TMEM132D: variants seen among roughly 807,000 people sequenced by gnomAD.
TMEM132D encodes mature OL transmembrane protein.
TMEM132D carries 21 observed loss-of-function variants against 62.3 expected under a neutral mutation model. That is an observed-to-expected ratio of 0.34 (90% CI 0.24 to 0.49). The LOEUF is 0.49. Among genes scored for constraint, TMEM132D ranks in the 20% least tolerant of loss-of-function variants. TMEM132D has a pLI of 0.99. For missense variants in TMEM132D, 1,346 were observed against 1,402.8 expected (o/e 0.96, Z 0.65); for synonymous variants, 621 against 575.6 (o/e 1.08, Z -1.13).
intron 1 of TMEM132D, among the ~76,000 whole-genome samples, chr12:129,729,689 C>G (rs1869157912): frequency 6.6e-6 from 1 of 152,164 alleles, no homozygotes; most frequent in African/African-American, 2.4e-5. Flanking sequence ...TTTCTTTGAT[C>G]ATGAGTAGAG....
chr12:129,805,380 TAAC>T (rs1246909028), intron 1 of TMEM132D, among the ~76,000 whole-genome samples: 1 of 151,902 alleles, frequency 6.6e-6, no homozygotes, highest in East Asian at 1.9e-4. Context: ...CCCTCAGAAA[TAAC>T]GCCGCATATC....
chr12:129,724,678 G>A (rs1366264005), intron 1 of TMEM132D, among the ~76,000 whole-genome samples: 3 of 151,954 alleles, frequency 2.0e-5, no homozygotes, highest in East Asian at 1.9e-4. Flanking sequence ...ACCCATCACC[G>A]TGCCTGGCTA....
intron 3 of TMEM132D, among the ~76,000 whole-genome samples, chr12:129,454,610 T>G (rs1366676237): frequency 6.6e-6 from 1 of 152,228 alleles, no homozygotes; most frequent in Non-Finnish European, 1.5e-5. Context: ...CTTGAGTTCA[T>G]GTGTAAGTCA....
chr12:129,898,691 C>G (rs1875231354), intron 1 of TMEM132D, among the ~76,000 whole-genome samples: 1 of 152,224 alleles, frequency 6.6e-6, no homozygotes, highest in Non-Finnish European at 1.5e-5. Flanking sequence ...ACAGTGCTAA[C>G]TTTATGTTTT....
chr12:129,098,826 C>T lies in TMEM132D; in HGVS notation c.1444-14124G>A, dbSNP rs566263356. 3.9e-5 allele frequency among the ~76,000 whole-genome samples: 6 copies of T among 152,268 alleles called. No individual in the cohort carries two copies. In the East Asian group the frequency reaches 1.2e-3, roughly 29 times the overall value. On this transcript the variant is annotated intron_variant, in intron 5 of 8. Transcript: ENST00000422113. ...AAACCAACATCTCAAAATATGTTCC[C>T]TTGACATGCTGAACTGAATAAGCAG...
chr12:129,793,493 A>G (rs745521991), intron 1 of TMEM132D, among the ~76,000 whole-genome samples: 36 of 151,806 alleles, frequency 2.4e-4, no homozygotes, highest in Non-Finnish European at 4.1e-4. Flanking sequence ...CACCACCTCA[A>G]CCTCACAAGT....
intron 5 of TMEM132D, among the ~76,000 whole-genome samples, chr12:129,203,241 T>C (rs1315869798): frequency 6.6e-6 from 1 of 152,228 alleles, no homozygotes. Context: ...ACTTTCCTTT[T>C]TCTGTCTATA....
chr12:129,729,536 T>C (rs1191773779), intron 1 of TMEM132D, among the ~76,000 whole-genome samples: 1 of 152,074 alleles, frequency 6.6e-6, no homozygotes, highest in Non-Finnish European at 1.5e-5. Context: ...AATACCTTTT[T>C]TTCTTTCTTG....
intron 1 of TMEM132D, among the ~76,000 whole-genome samples, chr12:129,716,753 G>A (rs1868590342): frequency 2.0e-5 from 3 of 152,196 alleles, no homozygotes; most frequent in Non-Finnish European, 2.9e-5. Context: ...AAGAGTGGAA[G>A]AGGGAGGTAG....
intron 5 of TMEM132D, among the ~76,000 whole-genome samples, chr12:129,127,441 C>A (rs1876247511): frequency 6.6e-6 from 1 of 152,116 alleles, no homozygotes; most frequent in Non-Finnish European, 1.5e-5. Flanking sequence ...CCCCTCGCTT[C>A]CGGCAGGTCC....
At chr12:129,232,599 C>T (rs1269802740) in intron 4 of TMEM132D, among the ~76,000 whole-genome samples, 1 of 152,116 alleles carries the variant, frequency 6.6e-6, no homozygotes, top group Non-Finnish European at 1.5e-5. Context: ...GCTTCTGTGA[C>T]CACCGAACGA....
intron 2 of TMEM132D, among the ~76,000 whole-genome samples, chr12:129,628,661 T>C (rs898848043): frequency 2.0e-5 from 3 of 151,972 alleles, no homozygotes; most frequent in East Asian, 1.9e-4. Context: ...AGGAGAGAAA[T>C]GAACAAATAA....
chr12:129,360,608 G>C (rs1052523149), intron 3 of TMEM132D, among the ~76,000 whole-genome samples: 43 of 152,108 alleles, frequency 2.8e-4, no homozygotes, highest in Non-Finnish European at 3.5e-4. Flanking sequence ...TCACCCAGCT[G>C]GGGGCTCTGG....
At chr12:129,562,635 C>T (rs1287529836) in intron 2 of TMEM132D, among the ~76,000 whole-genome samples, 3 of 152,156 alleles carry the variant, frequency 2.0e-5, no homozygotes, top group Admixed American at 6.6e-5. Flanking sequence ...TTTTCTAATA[C>T]GGGAAATGGT....
intron 3 of TMEM132D, among the ~76,000 whole-genome samples, chr12:129,356,676 A>G (rs1870063748): frequency 6.7e-6 from 1 of 148,194 alleles, no homozygotes; most frequent in Non-Finnish European, 1.5e-5. Flanking sequence ...AAATAAATAA[A>G]TAAATAAATA....
At chr12:129,721,422 TGTG>T (rs1868825778) in intron 1 of TMEM132D, among the ~76,000 whole-genome samples, 1 of 152,112 alleles carries the variant, frequency 6.6e-6, no homozygotes, top group South Asian at 2.1e-4. Flanking sequence ...ATACCCACAT[TGTG>T]GTGATACAAA....
chr12:129,729,205 A>G (rs572670938), intron 1 of TMEM132D, among the ~76,000 whole-genome samples: 1 of 152,136 alleles, frequency 6.6e-6, no homozygotes, highest in Admixed American at 6.5e-5. Flanking sequence ...CACCACAGAC[A>G]TTTTATTTTT....
At chr12:129,154,594 C>T (rs546574987) in intron 5 of TMEM132D, among the ~76,000 whole-genome samples, 3 of 152,226 alleles carry the variant, frequency 2.0e-5, no homozygotes, top group East Asian at 1.9e-4. Context: ...AACTTAATAA[C>T]GATGATACTT....
Position 129,298,127 on chromosome 12 carries a change from T to C in TMEM132D, c.1299+39507A>G, listed in dbSNP as rs141214012. Among the ~76,000 whole-genome samples the C allele has an allele frequency of 8.5e-5, 13 of 152,140 alleles. No homozygotes were observed. In the East Asian group the frequency reaches 2.3e-3, roughly 27 times the overall value. On this transcript the variant is annotated intron_variant, in intron 4 of 8. Coordinates refer to ENST00000422113, the MANE Select transcript of TMEM132D (RefSeq NM_133448.3). ...AACTCATGGGTGGGATTCATACATA[T>C]CACCAACTCATGGGTGTAGAGGGTA... is the stretch of plus-strand genomic sequence containing the variant.
Sources: gnomAD v4.1 joint callset for allele counts (sites outside exome capture counted in the v4.1 genomes callset) on GRCh38, gnomAD v4.1.1 for gene constraint, MANE v1.5 for transcripts, NCBI Gene and HGNC (gene_info 2026-07-23, HGNC 2026-07-21) for gene names.